Variants in HTR2C observed in about 807,000 individuals in gnomAD.
HTR2C encodes 5-hydroxytryptamine receptor 2C.
A neutral mutation model predicts 21.0 loss-of-function variants in HTR2C; 5 were observed. That is an observed-to-expected ratio of 0.24 (90% CI 0.12 to 0.50). The LOEUF is 0.50. Ranked by LOEUF, HTR2C falls within the 20% of genes least tolerant of loss-of-function variation. HTR2C has a pLI of 0.98. For missense variants in HTR2C, 271 were observed against 371.2 expected, an observed-to-expected ratio of 0.73 and a Z score of 2.22; for synonymous variants, 150 against 145.3, an observed-to-expected ratio of 1.03 and a Z score of -0.23.
chrX:114,652,310 TA>T (rs1804960349), intron 2 of HTR2C, among the ~76,000 whole-genome samples: 1 of 111,203 alleles, frequency 9.0e-6, no homozygotes, highest in African/African-American at 3.3e-5. Context: ...TTAGAAAATT[TA>T]TTTTTATTTT....
At chrX:114,616,489 G>A (rs1928953661) in intron 2 of HTR2C, among the ~76,000 whole-genome samples, 1 of 110,659 alleles carries the variant, frequency 9.0e-6, no homozygotes, top group Non-Finnish European at 1.9e-5. Context: ...GTTTCACCAT[G>A]TTGGTCAGGC....
intron 2 of HTR2C, among the ~76,000 whole-genome samples, chrX:114,637,447 T>C (rs1211249248): frequency 4.5e-5 from 5 of 111,988 alleles, no homozygotes; most frequent in African/African-American, 6.5e-5. Flanking sequence ...TGCTTGACAA[T>C]GTGCTGAAAT....
At chrX:114,876,737 T>C (rs1195718531) in intron 5 of HTR2C, among the ~76,000 whole-genome samples, 1 of 111,069 alleles carries the variant, frequency 9.0e-6, no homozygotes, top group Non-Finnish European at 1.9e-5. Context: ...ATGTATCACA[T>C]TTATTGATTT....
intron 2 of HTR2C, among the ~76,000 whole-genome samples, chrX:114,690,959 C>T (rs1312842975): frequency 9.0e-6 from 1 of 110,807 alleles, no homozygotes; most frequent in Non-Finnish European, 1.9e-5. Flanking sequence ...CCATGGATAT[C>T]AATACTTTTA....
chrX:114,742,440 T>C (rs192062669), intron 4 of HTR2C, among the ~76,000 whole-genome samples: 30 of 111,202 alleles, frequency 2.7e-4, no homozygotes, highest in African/African-American at 9.8e-4. Context: ...ACAAAATACA[T>C]TGAATCCACT....
intron 1 of HTR2C, among the ~76,000 whole-genome samples, chrX:114,610,863 G>T (rs1928697706): frequency 9.0e-6 from 1 of 111,612 alleles, no homozygotes; most frequent in African/African-American, 3.3e-5. Context: ...TTAATATAAA[G>T]AATGTCGTGA....
At chrX:114,589,786 GA>G in intron 1 of HTR2C, 3 of 300,086 alleles carry the variant, frequency 1.0e-5, no homozygotes, top group East Asian at 8.7e-5. Flanking sequence ...CAATTTTTCG[GA>G]AAAAAGCTAA....
chrX:114,783,878 CTG>C (rs1169928854), intron 4 of HTR2C, among the ~76,000 whole-genome samples: 1 of 109,922 alleles, frequency 9.1e-6, no homozygotes, highest in Non-Finnish European at 1.9e-5. Context: ...ATTTAAAAAA[CTG>C]AACTATAACA....
chrX:114,621,021 C>T (rs782477335), intron 2 of HTR2C, among the ~76,000 whole-genome samples: 4 of 112,016 alleles, frequency 3.6e-5, no homozygotes, highest in Non-Finnish European at 7.5e-5. Flanking sequence ...GCTGGGACTA[C>T]AGGCGTGCGC....
chrX:114,611,864 T>A (rs1025966856), intron 1 of HTR2C, among the ~76,000 whole-genome samples: 2 of 110,190 alleles, frequency 1.8e-5, no homozygotes, highest in Non-Finnish European at 3.8e-5. Flanking sequence ...CGCCCGGCTA[T>A]TTTTTTGTAT....
chrX:114,708,784 G>A (rs953110690), intron 2 of HTR2C, among the ~76,000 whole-genome samples: 2 of 94,602 alleles, frequency 2.1e-5, no homozygotes, highest in Admixed American at 1.3e-4. Flanking sequence ...TCCAGCTTGG[G>A]TGACAGAGGG....
chrX:114,655,106 G>A (rs1930735075), intron 2 of HTR2C, among the ~76,000 whole-genome samples: 1 of 109,796 alleles, frequency 9.1e-6, no homozygotes, highest in South Asian at 3.8e-4. Flanking sequence ...TAAAGAATAA[G>A]GTATGATTAG....
intron 3 of HTR2C, 27 bp from the exon 4 acceptor site, chrX:114,731,267 A>G (rs1556423175): frequency 5.6e-6 from 6 of 1,076,106 alleles, no homozygotes; most frequent in Non-Finnish European, 5.1e-6. Context: ...TATGTACCTG[A>G]TTGTTTTTTT....
At chrX:114,806,953 C>T (rs868955989) in intron 4 of HTR2C, among the ~76,000 whole-genome samples, 3 of 81,545 alleles carry the variant, frequency 3.7e-5, no homozygotes, top group African/African-American at 8.6e-5. Flanking sequence ...ACCATATATA[C>T]CATATGTATA....
chrX:114,800,923 G>A (rs1432205020), intron 4 of HTR2C, among the ~76,000 whole-genome samples: 2 of 111,045 alleles, frequency 1.8e-5, no homozygotes, highest in African/African-American at 6.5e-5. Context: ...CTGCGCATGC[G>A]TGTCAGCCAA....
chrX:114,807,587 T>C (rs1035420500), intron 4 of HTR2C, among the ~76,000 whole-genome samples: 22 of 108,421 alleles, frequency 2.0e-4, no homozygotes, highest in Non-Finnish European at 4.2e-4. Flanking sequence ...TAATCACATC[T>C]AGGTAAATGG....
chrX:114,661,227 G>A (rs1930974692), intron 2 of HTR2C, among the ~76,000 whole-genome samples: 1 of 111,189 alleles, frequency 9.0e-6, no homozygotes, highest in African/African-American at 3.3e-5. Flanking sequence ...GGCCGAGAAG[G>A]GTGGATCACA....
intron 2 of HTR2C, among the ~76,000 whole-genome samples, chrX:114,703,043 C>T (rs1422382621): frequency 7.4e-4 from 69 of 93,387 alleles, no homozygotes; most frequent in Non-Finnish European, 1.3e-3. Flanking sequence ...AATACAGGAG[C>T]ACCCGGATTC....
Position 114,626,225 on chromosome X carries a change from A to T in HTR2C, c.-80+12344A>T, listed in dbSNP as rs1273138852. 8.9e-4 allele frequency among the ~76,000 whole-genome samples: 95 copies of T among 106,378 alleles called. 1 individual carries two copies. The highest frequency in any genetic ancestry group is 2.8e-3 in the African/African-American group (82 of 28,884). 92.4% of individuals were successfully genotyped at this position (106,378 alleles called of 115,157 possible). ...AAACCCCATCTCTGCAAAAAAAAAAAAAAATAATAAAAAATTAGCCAGGCA... is the reference window on the plus strand; with the variant it reads ...AAACCCCATCTCTGCAAAAAAAAAATAAAATAATAAAAAATTAGCCAGGCA... On this transcript the variant is annotated intron_variant, in intron 2 of 5. Coordinates refer to ENST00000276198, the MANE Select transcript of HTR2C (RefSeq NM_000868.4).
Sources: gnomAD v4.1 joint callset for allele counts (sites outside exome capture counted in the v4.1 genomes callset) on GRCh38, gnomAD v4.1.1 for gene constraint, MANE v1.5 for transcripts, NCBI Gene and HGNC (gene_info 2026-07-23, HGNC 2026-07-21) for gene names.